DCLK2: variants seen among roughly 807,000 people sequenced by gnomAD.
DCLK2 encodes serine/threonine-protein kinase DCLK2.
A neutral mutation model predicts 78.4 loss-of-function variants in DCLK2; 31 were observed. The observed-to-expected ratio is 0.40, with a 90% CI of 0.30 to 0.53. The LOEUF (loss-of-function observed/expected upper bound fraction) is 0.53, where lower values mean the gene tolerates loss of function less well. Among genes scored for constraint, DCLK2 ranks in the 20% least tolerant of loss-of-function variants. The probability of loss-of-function intolerance (pLI) is 0.61; values close to 1 mark genes in which losing one functional copy is unlikely to be tolerated. For missense variants in DCLK2, 872 were observed against 973.7 expected (o/e 0.90, Z 1.39); for synonymous variants, 407 against 374.9 (o/e 1.09, Z -0.99).
At chr4:150,253,725 CTT>C (rs1171458761) in intron 15 of DCLK2, 1 of 985,322 alleles carries the variant, frequency 1.0e-6, no homozygotes, top group Non-Finnish European at 1.2e-6. Context: ...CCCTGGAAAA[CTT>C]TATTTTCAAA....
intron 2 of DCLK2, among the ~76,000 whole-genome samples, chr4:150,172,186 G>A (rs1736581490): frequency 6.6e-6 from 1 of 152,088 alleles, no homozygotes; most frequent in African/African-American, 2.4e-5. Flanking sequence ...GTAGATAATA[G>A]GAAAGAAATG....
At chr4:150,172,759 T>TTG (rs1736640601) in intron 2 of DCLK2, among the ~76,000 whole-genome samples, 2 of 134,502 alleles carry the variant, frequency 1.5e-5, no homozygotes, top group Admixed American at 1.4e-4. Flanking sequence ...CTTTTTTTTT[T>TTG]TGGGGGGGGG....
chr4:150,222,907 T>G (rs1741307848), intron 7 of DCLK2, among the ~76,000 whole-genome samples: 1 of 152,008 alleles, frequency 6.6e-6, no homozygotes, highest in Non-Finnish European at 1.5e-5. Flanking sequence ...TTTTGCCTAT[T>G]CCAGATTTTT....
chr4:150,221,167 T>C (rs932775204), intron 6 of DCLK2, among the ~76,000 whole-genome samples: 4 of 152,210 alleles, frequency 2.6e-5, no homozygotes, highest in African/African-American at 7.2e-5. Context: ...TTCCCCCACA[T>C]ACCTTTTTGA....
At chr4:150,150,365 T>C (rs1734799689) in intron 2 of DCLK2, among the ~76,000 whole-genome samples, 1 of 152,152 alleles carries the variant, frequency 6.6e-6, no homozygotes, top group African/African-American at 2.4e-5. Context: ...GTGATGGTGA[T>C]AGGTCTCTTT....
At chr4:150,242,364 T>C (rs1294528606) in intron 12 of DCLK2, among the ~76,000 whole-genome samples, 1 of 152,174 alleles carries the variant, frequency 6.6e-6, no homozygotes, top group African/African-American at 2.4e-5. Flanking sequence ...GAAAGATATT[T>C]CCATCTGGCC....
chr4:150,250,706 T>A (rs1216798404), intron 15 of DCLK2, among the ~76,000 whole-genome samples: 1 of 151,702 alleles, frequency 6.6e-6, no homozygotes, highest in East Asian at 1.9e-4. Context: ...GACAGGCCTC[T>A]CATCCTCTGG....
chr4:150,238,125 TGAG>T (rs1742646088), intron 10 of DCLK2, among the ~76,000 whole-genome samples: 1 of 152,218 alleles, frequency 6.6e-6, no homozygotes, highest in Non-Finnish European at 1.5e-5. Flanking sequence ...TAGAAACCAC[TGAG>T]AACTATAAAG....
At chr4:150,203,603 T>TTG (rs1739613119) in intron 4 of DCLK2, among the ~76,000 whole-genome samples, 192 bp from the exon 5 acceptor site, 1 of 638 alleles carries the variant, frequency 1.6e-3, no homozygotes, top group Non-Finnish European at 0.024. Flanking sequence ...TTTCACTCTG[T>TTG]TTTTTTTTTT....
At chr4:150,086,995 C>G (rs1729695798) in intron 1 of DCLK2, among the ~76,000 whole-genome samples, 1 of 152,118 alleles carries the variant, frequency 6.6e-6, no homozygotes, top group African/African-American at 2.4e-5. Context: ...TTAACACAAT[C>G]TTAATTTTTT....
chr4:150,229,854 A>G (rs1395635909), intron 8 of DCLK2, among the ~76,000 whole-genome samples: 1 of 152,246 alleles, frequency 6.6e-6, no homozygotes, highest in Non-Finnish European at 1.5e-5. Context: ...GTATGGCTCA[A>G]GACAAAAGAG....
At chr4:150,175,192 T>TATATATATTTATA (rs1560835585) in intron 2 of DCLK2, among the ~76,000 whole-genome samples, 5 of 79,172 alleles carry the variant, frequency 6.3e-5, no homozygotes, top group East Asian at 3.5e-4. Flanking sequence ...ATTTATAATT[T>TATATATATTTATA]ATCTATATAT....
chr4:150,159,970 G>GT lies in DCLK2; in HGVS notation c.757-33165dup, dbSNP rs759513645. Among the ~76,000 whole-genome samples the GT allele has an allele frequency of 6.6e-5, 10 of 150,540 alleles. No individual in the cohort carries two copies. The East Asian group carries it at 1.9e-3, about 29-fold the overall frequency. Reference sequence around the variant, plus strand: ...CCTTTTCCTTCTTCTTTACTCTTTTGTTTGCAGACCCTCTTTGATGACTTT... The same window carrying GT: ...CCTTTTCCTTCTTCTTTACTCTTTTGTTTTGCAGACCCTCTTTGATGACTTT... On this transcript the variant is annotated intron_variant, in intron 2 of 15. Coordinates refer to ENST00000296550, the MANE Select transcript of DCLK2 (RefSeq NM_001040260.4).
rs1245792282 is a variant in DCLK2, at chr4:150,256,346, C to T, written c.*99C>T. The T allele has an allele frequency of 3.5e-6, 5 of 1,416,852 alleles. No homozygotes were observed. The East Asian group carries it at 1.0e-4, about 29-fold the overall frequency. The allele number at this position is 1,416,852 out of a possible 1,614,324, so 87.8% of individuals were successfully genotyped here. A position where few individuals can be genotyped will look rare whatever the true frequency, so the allele number is the denominator to read the frequency against. ...CTGCTGCAGGCCTCCCTCTCTTCAC[C>T]GCCTGCGCCTGAGTTCGCGGGTCCT... On this transcript the variant is annotated 3_prime_UTR_variant, in exon 16 of 16. Coordinates refer to ENST00000296550, the MANE Select transcript of DCLK2 (RefSeq NM_001040260.4).
intron 2 of DCLK2, among the ~76,000 whole-genome samples, chr4:150,151,235 A>G (rs1334862978): frequency 6.6e-6 from 1 of 152,226 alleles, no homozygotes; most frequent in Non-Finnish European, 1.5e-5. Flanking sequence ...TACAACATTT[A>G]TGCAACTTTT....
At position 150,078,849 on chromosome 4, in the gene DCLK2, G is replaced by T. The variant is rs889554352; in HGVS notation, c.-179G>T. 2 of 726,580 alleles carry T rather than the reference G, an allele frequency of 2.8e-6. No homozygotes were observed. Among genetic ancestry groups the T allele is most frequent in the East Asian group, 6.5e-5 (2 of 30,908 alleles). 45.0% of individuals were successfully genotyped at this position (726,580 alleles called of 1,614,324 possible). Reference sequence around the variant, plus strand: ...GGCGCTGCGGACACTTTTAGCTGAGGGCGCGGGCGGGTCGGCTCCTCCGCG... The same window carrying T: ...GGCGCTGCGGACACTTTTAGCTGAGTGCGCGGGCGGGTCGGCTCCTCCGCG... On this transcript the variant is annotated 5_prime_UTR_variant, in exon 1 of 16. Transcript: ENST00000296550.
intron 12 of DCLK2, among the ~76,000 whole-genome samples, chr4:150,244,743 C>T (rs745651754): frequency 3.9e-5 from 6 of 152,158 alleles, no homozygotes; most frequent in Non-Finnish European, 8.8e-5. Context: ...TTTTCTAGTG[C>T]GGGGCAGGCC....
rs531322689 is a variant in DCLK2 at position 150,232,168 on chromosome 4, C to A, written c.1300-169C>A. Among the ~76,000 whole-genome samples the A allele has an allele frequency of 5.3e-5, 8 of 152,292 alleles. No individual in the cohort carries two copies. In the South Asian group the frequency reaches 1.7e-3, roughly 32 times the overall value. On this transcript the variant is annotated intron_variant, in intron 8 of 15. Coordinates refer to ENST00000296550, the MANE Select transcript of DCLK2 (RefSeq NM_001040260.4). ...AATGTCAATAATATGTTCACACTGA[C>A]CCTGTCCCTACAGGGACAATTAGGT...
chr4:150,236,477 T>G (rs1479915340), intron 10 of DCLK2, among the ~76,000 whole-genome samples: 1 of 152,172 alleles, frequency 6.6e-6, no homozygotes, highest in Non-Finnish European at 1.5e-5. Context: ...CCCAGTGGGG[T>G]GGCTCTAGAA....
Sources: allele counts gnomAD v4.1 joint callset (sites outside exome capture counted in the v4.1 genomes callset), GRCh38; gene constraint gnomAD v4.1.1; transcripts MANE v1.5; gene names NCBI Gene and HGNC (gene_info 2026-07-23, HGNC 2026-07-21).